CEP135: variants seen among roughly 807,000 people sequenced by gnomAD.
CEP135 encodes centrosomal protein of 135 kDa.
CEP135 carries 142 observed loss-of-function variants against 157.3 expected under a neutral mutation model. That is an observed-to-expected ratio of 0.90 (90% CI 0.79 to 1.04). The LOEUF is 1.04. CEP135 is among the 50% of genes least tolerant of loss of function. The pLI, the probability that CEP135 is intolerant of heterozygous loss-of-function variation, is 0.00. For synonymous variants in CEP135, 396 were observed against 439.8 expected, an observed-to-expected ratio of 0.90 and a Z score of 1.25; for missense variants, 1,317 against 1,309.2, an observed-to-expected ratio of 1.01 and a Z score of -0.09.
chr4:55,950,302 C>A (rs181629252), intron 1 of CEP135, among the ~76,000 whole-genome samples: 66 of 152,274 alleles, frequency 4.3e-4, no homozygotes, highest in East Asian at 2.5e-3. Context: ...GGGATAATAT[C>A]ATTGGTCTTT....
At chr4:55,968,441 A>G (rs1718881221) in intron 8 of CEP135, among the ~76,000 whole-genome samples, 1 of 150,638 alleles carries the variant, frequency 6.6e-6, no homozygotes, top group Non-Finnish European at 1.5e-5. Context: ...CAAGGACCCC[A>G]GACCACCAAC....
intron 10 of CEP135, among the ~76,000 whole-genome samples, chr4:55,972,413 A>T (rs1016032550): frequency 6.6e-6 from 1 of 152,232 alleles, no homozygotes; most frequent in Non-Finnish European, 1.5e-5. Flanking sequence ...GTGCTCAATG[A>T]CAATACACCA....
chr4:56,016,802 G>A lies in CEP135; in HGVS notation c.2803-846G>A, dbSNP rs537822460. 5.3e-5 allele frequency among the ~76,000 whole-genome samples: 8 copies of A among 151,952 alleles called. No homozygotes were observed. In the South Asian group the frequency reaches 1.7e-3, roughly 32 times the overall value. ...GTGATCTCCCGCCTCAGCCTCCCAA[G>A]TAGCAAGGACTATAGGCATGTGCCA... On this transcript the variant is annotated intron_variant, in intron 21 of 25. Transcript: ENST00000257287.
At chr4:56,005,721 C>T (rs1034241472) in intron 17 of CEP135, among the ~76,000 whole-genome samples, 1 of 152,158 alleles carries the variant, frequency 6.6e-6, no homozygotes, top group South Asian at 2.1e-4. Flanking sequence ...TCTTTTTGCA[C>T]GTTAGTTTTT....
intron 13 of CEP135, among the ~76,000 whole-genome samples, chr4:55,981,885 A>T (rs745692164): frequency 6.6e-6 from 1 of 152,210 alleles, no homozygotes; most frequent in Non-Finnish European, 1.5e-5. Context: ...TTAATACCCC[A>T]GTAAACCCAT....
intron 1 of CEP135, 136 bp from the exon 2 acceptor site, chr4:55,951,950 C>G (rs1728372214): frequency 2.3e-6 from 1 of 443,726 alleles, no homozygotes. Flanking sequence ...GGCTTTAAAT[C>G]TGAATTTTCC....
chr4:55,968,792 C>T (rs1728923159), intron 8 of CEP135, among the ~76,000 whole-genome samples: 1 of 152,092 alleles, frequency 6.6e-6, no homozygotes, highest in Non-Finnish European at 1.5e-5. Context: ...CATAGAATTA[C>T]CCCAAAATTT....
Position 55,953,272 on chromosome 4 carries a change from A to G in CEP135, c.301A>G (p.Lys101Glu), listed in dbSNP as rs199788598. The change falls in exon 3 of 26, where the codon AAA becomes GAA. Residue 101 changes from lysine to glutamate, a missense_variant. By Grantham distance (56) the Lys-to-Glu change is moderately conservative. Coordinates refer to ENST00000257287, the MANE Select transcript of CEP135 (RefSeq NM_025009.5). The stretch of plus-strand genomic sequence containing the variant: ...GAGAGAACATTCAGACCAACACGTT[A>G]AAGGTAAGTGAAAATTTGATAATTT... ...KLREHSDQHV[K>E]ELKTSLKKCA... 2 of 1,508,168 alleles carry G rather than the reference A, an allele frequency of 1.3e-6. No individual in the cohort carries two copies. The highest frequency in any genetic ancestry group is 1.8e-6 in the Non-Finnish European group (2 of 1,130,892). The allele number at this position is 1,508,168 out of a possible 1,614,324, so 93.4% of individuals were successfully genotyped here. A position where few individuals can be genotyped will look rare whatever the true frequency, so the allele number is the denominator to read the frequency against.
intron 24 of CEP135, among the ~76,000 whole-genome samples, chr4:56,022,464 C>T (rs1192464790): frequency 6.6e-6 from 1 of 152,132 alleles, no homozygotes; most frequent in Admixed American, 6.5e-5. Context: ...CAAAGGGCCA[C>T]AGGACATAAG....
chr4:55,952,995 A>C, intron 2 of CEP135, 90 bp from the exon 3 acceptor site: 1 of 1,113,882 alleles, frequency 9.0e-7, no homozygotes, highest in South Asian at 1.8e-5. Flanking sequence ...GTGGTGCATG[A>C]CTGTATTTTA....
intron 12 of CEP135, 141 bp downstream of exon 12, chr4:55,980,436 AC>A: frequency 1.9e-6 from 1 of 521,984 alleles, no homozygotes; most frequent in South Asian, 4.2e-5. Context: ...AGTAGTTTCT[AC>A]TATCATTCTG....
At position 55,953,239 on chromosome 4, in the gene CEP135, A is replaced by G. The variant is rs375452409; in HGVS notation, c.268A>G (p.Met90Val). The G allele has an allele frequency of 7.0e-6, 11 of 1,569,278 alleles. No individual in the cohort carries two copies. In the East Asian group the frequency reaches 1.2e-4, roughly 17 times the overall value. Reference protein sequence around the residue: ...RENNELYLELMKLREHSDQHV... With the variant: ...RENNELYLELVKLREHSDQHV... ...AAATAATGAATTATACCTAGAGTTAATGAAACTGAGAGAACATTCAGACCA... is the reference window on the plus strand; with the variant it reads ...AAATAATGAATTATACCTAGAGTTAGTGAAACTGAGAGAACATTCAGACCA... Residue 90 changes from methionine to valine, a missense_variant, in exon 3 of 26, where the codon ATG becomes GTG. By Grantham distance (21) the Met-to-Val change is conservative (BLOSUM62 1). Transcript: ENST00000257287.
At chr4:55,999,745 T>G (rs1014316257) in intron 17 of CEP135, 100 bp downstream of exon 17, 2 of 1,207,034 alleles carry the variant, frequency 1.7e-6, no homozygotes, top group African/African-American at 3.1e-5. Context: ...CAGGCTGGAG[T>G]GCAGTGGCAT....
At chr4:56,011,368 G>T in intron 19 of CEP135, 44 bp from the exon 20 acceptor site, 1 of 1,231,152 alleles carries the variant, frequency 8.1e-7, no homozygotes, top group Non-Finnish European at 1.2e-6. Context: ...AATTTATTTG[G>T]TGTTGTGTTC....
At chr4:55,966,776 G>T (rs1728857642) in intron 8 of CEP135, among the ~76,000 whole-genome samples, 1 of 152,116 alleles carries the variant, frequency 6.6e-6, no homozygotes, top group Non-Finnish European at 1.5e-5. Context: ...GAGCAGCCAT[G>T]CCTGGCCACC....
At chr4:56,031,118 C>T (rs1731331077) in intron 25 of CEP135, among the ~76,000 whole-genome samples, 1 of 151,912 alleles carries the variant, frequency 6.6e-6, no homozygotes, top group Non-Finnish European at 1.5e-5. Flanking sequence ...GGCAACACGG[C>T]AAGACCCTAT....
At chr4:56,023,540 C>T (rs1297036060) in intron 24 of CEP135, among the ~76,000 whole-genome samples, 1 of 150,002 alleles carries the variant, frequency 6.7e-6, no homozygotes, top group Non-Finnish European at 1.5e-5. Flanking sequence ...ATCTCGTCAT[C>T]TAGTTTTTGT....
rs542544756 is a variant in CEP135 at position 55,999,139 on chromosome 4, A to G, written c.2010-163A>G. On this transcript the variant is annotated intron_variant, in intron 15 of 25. Coordinates refer to ENST00000257287, the MANE Select transcript of CEP135 (RefSeq NM_025009.5). ...GGAGAAGAATAGTGGACAGCAAGAA[A>G]TAATAATATATAATGCCATAGATTA... is the stretch of plus-strand genomic sequence containing the variant. Among the ~76,000 whole-genome samples the G allele has an allele frequency of 4.5e-4, 68 of 152,342 alleles. 1 individual carries two copies. The South Asian group carries it at 0.012, about 28-fold the overall frequency.
chr4:55,950,308 T>C (rs954423392), intron 1 of CEP135, among the ~76,000 whole-genome samples: 1 of 152,204 alleles, frequency 6.6e-6, no homozygotes, highest in Non-Finnish European at 1.5e-5. Context: ...ATATCATTGG[T>C]CTTTCTCCCT....
Sources: allele counts gnomAD v4.1 joint callset (sites outside exome capture counted in the v4.1 genomes callset), GRCh38; gene constraint gnomAD v4.1.1; transcripts MANE v1.5; gene names NCBI Gene and HGNC (gene_info 2026-07-23, HGNC 2026-07-21).